LARGE1: variants seen among roughly 807,000 people sequenced by gnomAD.
LARGE1 encodes the protein xylosyl- and glucuronyltransferase LARGE1.
A neutral mutation model predicts 87.6 loss-of-function variants in LARGE1; 43 were observed. The observed-to-expected ratio is 0.49, with a 90% CI of 0.38 to 0.63. The LOEUF is 0.63. Ranked by LOEUF, LARGE1 falls within the 30% of genes least tolerant of loss-of-function variation. The probability of loss-of-function intolerance (pLI) is 0.00; values close to 1 mark genes in which losing one functional copy is unlikely to be tolerated. For synonymous variants in LARGE1, 434 were observed against 394.6 expected (o/e 1.10, Z -1.18); for missense variants, 802 against 1,000.2 (o/e 0.80, Z 2.67).
chr22:33,521,548 T>C (rs926274724), intron 6 of LARGE1, among the ~76,000 whole-genome samples: 23 of 152,120 alleles, frequency 1.5e-4, no homozygotes, highest in Admixed American at 9.8e-4. Flanking sequence ...GCTCATACCA[T>C]TACATTGGTC....
At chr22:33,591,724 T>C (rs968579045) in intron 5 of LARGE1, among the ~76,000 whole-genome samples, 3 of 151,302 alleles carry the variant, frequency 2.0e-5, no homozygotes, top group Non-Finnish European at 4.4e-5. Context: ...AAGAAATCTC[T>C]CTGCCAGGCA....
At chr22:33,386,514 C>T (rs1016424843) in intron 7 of LARGE1, among the ~76,000 whole-genome samples, 3 of 148,682 alleles carry the variant, frequency 2.0e-5, no homozygotes, top group African/African-American at 7.3e-5. Flanking sequence ...GTTTAACCAT[C>T]AGCTCTCTGG....
intron 6 of LARGE1, among the ~76,000 whole-genome samples, chr22:33,495,257 T>C (rs2070049944): frequency 6.6e-6 from 1 of 152,192 alleles, no homozygotes; most frequent in African/African-American, 2.4e-5. Flanking sequence ...CCTTTGAGTC[T>C]CCATCGTGTT....
intron 11 of LARGE1, among the ~76,000 whole-genome samples, chr22:33,226,378 A>C (rs769395288): frequency 2.6e-5 from 4 of 152,218 alleles, no homozygotes; most frequent in Non-Finnish European, 5.9e-5. Context: ...CAAGGTCTTC[A>C]GGTTGGATGT....
the LARGE1 span, among the ~76,000 whole-genome samples, chr22:33,071,380 T>C: frequency 6.6e-6 from 1 of 152,290 alleles, no homozygotes; most frequent in East Asian, 1.9e-4. Flanking sequence ...GTAGGAGATG[T>C]TTATACACGT....
rs1601810659 is a variant in LARGE1 at position 33,866,037 on chromosome 22, T to C, written c.-83+53958A>G. Among the ~76,000 whole-genome samples, 5 of 151,538 alleles carry C rather than the reference T, an allele frequency of 3.3e-5. No homozygotes were observed. The South Asian group carries it at 1.0e-3, about 32-fold the overall frequency. ...CTAATTTTTGTAATTTTAGTAGAGA[T>C]AGGGTTTCACCATGTTGCCCAGGCT... On this transcript the variant is annotated intron_variant, in intron 1 of 14. Coordinates refer to ENST00000397394, the MANE Select transcript of LARGE1 (RefSeq NM_133642.5).
chr22:33,227,694 G>A (rs1925807277), intron 11 of LARGE1, among the ~76,000 whole-genome samples: 1 of 152,166 alleles, frequency 6.6e-6, no homozygotes, highest in South Asian at 2.1e-4. Flanking sequence ...TCTAAGAACT[G>A]AAGCTTTTAG....
At chr22:33,201,318 G>A (rs990041138) in intron 11 of LARGE1, among the ~76,000 whole-genome samples, 1 of 142,706 alleles carries the variant, frequency 7.0e-6, no homozygotes, top group Non-Finnish European at 1.5e-5. Flanking sequence ...CAAAAAGAAA[G>A]AAAGAGAGAA....
chr22:33,564,396 T>C (rs1424806244), intron 6 of LARGE1, among the ~76,000 whole-genome samples: 1 of 152,022 alleles, frequency 6.6e-6, no homozygotes, highest in African/African-American at 2.4e-5. Flanking sequence ...GAAAGCCAAA[T>C]ACATACATCT....
In LARGE1 at chr22:33,565,122, A is replaced by G. The variant is rs536802933; in HGVS notation, c.616-103T>C. ...AAATAGTGCCTAGCACACAAAAAGT[A>G]TCCAATAAAAATTTGTTGAATAAAT... On this transcript the variant is annotated intron_variant, in intron 5 of 14. Transcript: ENST00000397394. 4.4e-4 allele frequency: 450 copies of G among 1,031,642 alleles called. 1 individual carries two copies. The African/African-American group carries it at 6.0e-3, about 14-fold the overall frequency. 63.9% of individuals were successfully genotyped at this position (1,031,642 alleles called of 1,614,324 possible). A position where few individuals can be genotyped will look rare whatever the true frequency, so the allele number is the denominator to read the frequency against.
At chr22:33,518,976 C>T (rs1018713498) in intron 6 of LARGE1, among the ~76,000 whole-genome samples, 1 of 152,094 alleles carries the variant, frequency 6.6e-6, no homozygotes, top group African/African-American at 2.4e-5. Flanking sequence ...ACTAGCTGAC[C>T]AGATGGAAGT....
At chr22:33,511,138 A>G (rs1340468424) in intron 6 of LARGE1, among the ~76,000 whole-genome samples, 2 of 152,176 alleles carry the variant, frequency 1.3e-5, no homozygotes, top group African/African-American at 4.8e-5. Context: ...TCCCATTTGG[A>G]CAGATGTTTC....
At chr22:33,132,178 A>T in the LARGE1 span, among the ~76,000 whole-genome samples, 1 of 151,978 alleles carries the variant, frequency 6.6e-6, no homozygotes, top group African/African-American at 2.4e-5. Context: ...TTGTGTATTT[A>T]CTTATTTATT....
intron 1 of LARGE1, among the ~76,000 whole-genome samples, chr22:33,917,408 T>C (rs767632157): frequency 8.3e-4 from 126 of 152,314 alleles, no homozygotes; most frequent in Middle Eastern, 6.8e-3. Context: ...TTCATACTAT[T>C]AAAAGTGCAG....
intron 12 of LARGE1, among the ~76,000 whole-genome samples, chr22:33,299,507 A>T (rs1190263220): frequency 6.6e-6 from 1 of 152,170 alleles, no homozygotes; most frequent in African/African-American, 2.4e-5. Flanking sequence ...GAAAGCAAAA[A>T]AATTGAGATG....
intron 6 of LARGE1, among the ~76,000 whole-genome samples, chr22:33,540,379 T>A (rs547554209): frequency 6.6e-6 from 1 of 152,320 alleles, no homozygotes; most frequent in Non-Finnish European, 1.5e-5. Flanking sequence ...CTTGATCCTA[T>A]GACCAGCCCA....
rs111962265 is a variant in LARGE1 at position 33,288,948 on chromosome 22, A to AATTATT, written c.1731-5606_1731-5601dup. Among the ~76,000 whole-genome samples the AATTATT allele has an allele frequency of 8.7e-4, 131 of 150,966 alleles. 1 individual carries two copies. The highest frequency in any genetic ancestry group is 2.8e-3 in the African/African-American group (116 of 41,066). On this transcript the variant is annotated intron_variant, in intron 12 of 14. Transcript: ENST00000397394. ...CCTACTATAGTATATTGGATCAAGG[A>AATTATT]ATTATTATTATTATTATTATTATTA...
chr22:33,710,193 GA>G (rs3831699), intron 2 of LARGE1, among the ~76,000 whole-genome samples: 14 of 140,948 alleles, frequency 9.9e-5, no homozygotes, highest in South Asian at 2.3e-4. Flanking sequence ...CAAGGAGATT[GA>G]AAAAAAAAAA....
chr22:33,542,162 C>CAAAAAAA (rs150998193), intron 6 of LARGE1, among the ~76,000 whole-genome samples: 1 of 92,694 alleles, frequency 1.1e-5, no homozygotes, highest in Non-Finnish European at 2.0e-5. Context: ...AACTCTGTCT[C>CAAAAAAA]AAAAAAAAAA....
Sources: gnomAD v4.1 joint callset for allele counts (sites outside exome capture counted in the v4.1 genomes callset) on GRCh38, gnomAD v4.1.1 for gene constraint, MANE v1.5 for transcripts, NCBI Gene and HGNC (gene_info 2026-07-23, HGNC 2026-07-21) for gene names.